Variants in KIAA0232 observed in about 807,000 individuals in gnomAD.
KIAA0232 encodes the protein uncharacterized protein KIAA0232.
A neutral mutation model predicts 122.0 loss-of-function variants in KIAA0232; 27 were observed. The observed-to-expected ratio is 0.22, with a 90% CI of 0.16 to 0.31. The LOEUF (loss-of-function observed/expected upper bound fraction) is 0.31, where lower values mean the gene tolerates loss of function less well. Among genes scored for constraint, KIAA0232 ranks in the 10% least tolerant of loss-of-function variants. KIAA0232 has a pLI of 1.00. For missense variants in KIAA0232, 1,551 were observed against 1,634.2 expected, an observed-to-expected ratio of 0.95 and a Z score of 0.88; for synonymous variants, 613 against 587.6, an observed-to-expected ratio of 1.04 and a Z score of -0.63.
intron 2 of KIAA0232, among the ~76,000 whole-genome samples, chr4:6,820,601 C>G (rs1718375578): frequency 6.6e-6 from 1 of 152,032 alleles, no homozygotes; most frequent in African/African-American, 2.4e-5. Context: ...CACTCCTGGC[C>G]TTTATCCTAC....
In KIAA0232 at chr4:6,824,345, A is replaced by G; in HGVS notation, c.-109A>G. The G allele has an allele frequency of 4.5e-6, 4 of 896,902 alleles. No homozygotes were observed. Among genetic ancestry groups the G allele is most frequent in the Non-Finnish European group, 7.4e-6 (4 of 539,946 alleles). The allele number at this position is 896,902 out of a possible 1,614,324, so 55.6% of individuals were successfully genotyped here. On this transcript the variant is annotated 5_prime_UTR_variant, in exon 3 of 10. An upstream start codon of the reference 5' UTR is lost. Transcript: ENST00000307659. ...CAGCAAAAATAAATGCTTATCCTAC[A>G]TGTCAAGCATCTCTACTTTTTACTG...
At chr4:6,808,896 A>T (rs1427061355) in intron 2 of KIAA0232, among the ~76,000 whole-genome samples, 1 of 152,214 alleles carries the variant, frequency 6.6e-6, no homozygotes, top group Admixed American at 6.5e-5. Flanking sequence ...CATGTGGAGG[A>T]TGTCACAGTT....
intron 4 of KIAA0232, among the ~76,000 whole-genome samples, chr4:6,848,510 A>C (rs1010339759): frequency 6.6e-6 from 1 of 152,178 alleles, no homozygotes; most frequent in East Asian, 1.9e-4. Context: ...TAGCATTTAC[A>C]TTGTATTAGG....
chr4:6,876,900 G>A lies in KIAA0232; in HGVS notation c.4008+143G>A, dbSNP rs1721786758. ...CCAGGCCTGTGGGTGCAGACTTCCT[G>A]TTCTCTGGCCTTTGTTCTGAGTCTG... On this transcript the variant is annotated intron_variant, in intron 9 of 9. Coordinates refer to ENST00000307659, the MANE Select transcript of KIAA0232 (RefSeq NM_014743.3). 30 of 620,500 alleles carry A rather than the reference G, an allele frequency of 4.8e-5. No homozygotes were observed. The South Asian group carries it at 5.4e-4, about 11-fold the overall frequency. The allele number at this position is 620,500 out of a possible 1,614,324, so 38.4% of individuals were successfully genotyped here.
chr4:6,841,991 G>C, intron 3 of KIAA0232, 76 bp from the exon 4 acceptor site: 1 of 1,529,974 alleles, frequency 6.5e-7, no homozygotes. Flanking sequence ...TTTTGTGACT[G>C]AGTGTGTGTG....
At chr4:6,803,683 C>A (rs1320106322) in intron 1 of KIAA0232, among the ~76,000 whole-genome samples, 1 of 152,092 alleles carries the variant, frequency 6.6e-6, no homozygotes, top group Non-Finnish European at 1.5e-5. Flanking sequence ...AAGGAATAAC[C>A]AATTTTATAT....
At chr4:6,817,474 C>G (rs900119543) in intron 2 of KIAA0232, among the ~76,000 whole-genome samples, 2 of 152,194 alleles carry the variant, frequency 1.3e-5, no homozygotes, top group Admixed American at 1.3e-4. Context: ...CTCGGCCTCC[C>G]AAAGTGCTGG....
At chr4:6,857,459 G>A (rs145695940) in intron 5 of KIAA0232, among the ~76,000 whole-genome samples, 5 of 152,308 alleles carry the variant, frequency 3.3e-5, no homozygotes, top group Admixed American at 6.5e-5. Flanking sequence ...GAGGGACTTA[G>A]TCCACAGGTG....
At chr4:6,834,680 G>T (rs1389882858) in intron 3 of KIAA0232, among the ~76,000 whole-genome samples, 1 of 152,098 alleles carries the variant, frequency 6.6e-6, no homozygotes, top group African/African-American at 2.4e-5. Context: ...TGTTCTTTAA[G>T]ACTGACAAAT....
intron 2 of KIAA0232, among the ~76,000 whole-genome samples, chr4:6,811,738 C>A (rs1446066883): frequency 6.8e-6 from 1 of 146,206 alleles, no homozygotes; most frequent in Admixed American, 6.9e-5. Flanking sequence ...AGCCACTGTG[C>A]CTGGCCTAAT....
intron 7 of KIAA0232, 53 bp from the exon 8 acceptor site, chr4:6,871,521 C>T (rs1460871336): frequency 2.0e-6 from 2 of 1,006,564 alleles, no homozygotes; most frequent in Non-Finnish European, 3.1e-6. Context: ...GAATATTCTT[C>T]CTCTAACCTG....
intron 9 of KIAA0232, among the ~76,000 whole-genome samples, chr4:6,877,145 G>A (rs1374083405): frequency 6.6e-6 from 1 of 151,830 alleles, no homozygotes; most frequent in African/African-American, 2.4e-5. Flanking sequence ...CTTTGAAAGT[G>A]CACCCTGAGG....
intron 7 of KIAA0232, 83 bp downstream of exon 7, chr4:6,864,266 A>G: frequency 7.0e-7 from 1 of 1,419,304 alleles, no homozygotes; most frequent in South Asian, 1.4e-5. Flanking sequence ...AATGAAAGAT[A>G]GGGTTAAATT....
intron 3 of KIAA0232, among the ~76,000 whole-genome samples, chr4:6,836,391 A>T (rs1187322088): frequency 2.0e-5 from 3 of 149,944 alleles, no homozygotes; most frequent in Non-Finnish European, 4.4e-5. Flanking sequence ...TAGAATACAC[A>T]GTTTGGTGGC....
intron 1 of KIAA0232, among the ~76,000 whole-genome samples, chr4:6,787,622 A>G (rs1305601223): frequency 6.6e-6 from 1 of 152,048 alleles, no homozygotes; most frequent in Non-Finnish European, 1.5e-5. Flanking sequence ...AGTCTTTTCC[A>G]TCAGTCTTTT....
intron 1 of KIAA0232, among the ~76,000 whole-genome samples, chr4:6,783,177 G>A (rs912951705): frequency 1.3e-5 from 2 of 151,730 alleles, no homozygotes; most frequent in South Asian, 2.1e-4. Context: ...GGCCGCTGTT[G>A]ATGGCTCCGG....
At chr4:6,790,473 C>T (rs968569035) in intron 1 of KIAA0232, among the ~76,000 whole-genome samples, 3 of 147,244 alleles carry the variant, frequency 2.0e-5, no homozygotes, top group African/African-American at 7.5e-5. Context: ...CAGCTCACTA[C>T]AGCCAGGACC....
intron 7 of KIAA0232, among the ~76,000 whole-genome samples, chr4:6,864,931 A>C (rs895294583): frequency 6.6e-6 from 1 of 152,210 alleles, no homozygotes; most frequent in East Asian, 1.9e-4. Context: ...TTATATCTCT[A>C]TGGAGTTCTC....
intron 2 of KIAA0232, among the ~76,000 whole-genome samples, chr4:6,814,709 G>C (rs1251253812): frequency 6.6e-6 from 1 of 152,072 alleles, no homozygotes; most frequent in African/African-American, 2.4e-5. Context: ...GGGCACAAAA[G>C]CCAGCTATTA....
Sources: gnomAD v4.1 joint callset for allele counts (sites outside exome capture counted in the v4.1 genomes callset) on GRCh38, gnomAD v4.1.1 for gene constraint, MANE v1.5 for transcripts, NCBI Gene and HGNC (gene_info 2026-07-23, HGNC 2026-07-21) for gene names.